The following LRP1B variants were observed in gnomAD, a reference collection of about 807,000 sequenced individuals.
LRP1B encodes the protein low-density lipoprotein receptor-related protein 1B.
LRP1B carries 217 observed loss-of-function variants against 556.6 expected under a neutral mutation model. The ratio of observed to expected loss-of-function variants is 0.39; its 90% CI spans 0.35 to 0.44. The LOEUF is 0.44. Ranked by LOEUF, LRP1B falls within the 20% of genes least tolerant of loss-of-function variation. The pLI, the probability that LRP1B is intolerant of heterozygous loss-of-function variation, is 1.00. For synonymous variants in LRP1B, 2,047 were observed against 1,865.8 expected (o/e 1.10, Z -2.50); for missense variants, 5,053 against 5,620.8 (o/e 0.90, Z 3.23).
intron 2 of LRP1B, among the ~76,000 whole-genome samples, chr2:141,800,102 A>G (rs776682391): frequency 2.0e-5 from 3 of 152,166 alleles, no homozygotes; most frequent in South Asian, 2.1e-4. Flanking sequence ...AGGCCCTGTC[A>G]TATAGTAGTC....
intron 7 of LRP1B, among the ~76,000 whole-genome samples, chr2:141,082,564 C>T (rs1003961506): frequency 2.6e-5 from 4 of 152,168 alleles, no homozygotes; most frequent in African/African-American, 9.7e-5. Context: ...TTATCTTACC[C>T]ATGTAACTCT....
intron 15 of LRP1B, among the ~76,000 whole-genome samples, chr2:141,004,386 CA>C (rs1235149463): frequency 6.6e-6 from 1 of 151,988 alleles, no homozygotes; most frequent in African/African-American, 2.4e-5. Flanking sequence ...CTGTCACAGG[CA>C]AAATAAACGT....
At chr2:140,670,185 T>C (rs1300076909) in intron 41 of LRP1B, among the ~76,000 whole-genome samples, 1 of 152,174 alleles carries the variant, frequency 6.6e-6, no homozygotes, top group Non-Finnish European at 1.5e-5. Context: ...TTTATGTTAA[T>C]GTATCCAAAG....
At chr2:141,064,360 G>A (rs1435980508) in intron 7 of LRP1B, among the ~76,000 whole-genome samples, 2 of 151,822 alleles carry the variant, frequency 1.3e-5, no homozygotes, top group African/African-American at 4.8e-5. Context: ...GATGATGAAG[G>A]TTTCAGAAAA....
rs1313733754 is a variant in LRP1B at position 140,416,617 on chromosome 2, T to A, written c.10414+25887A>T. 5.9e-5 allele frequency among the ~76,000 whole-genome samples: 9 copies of A among 151,998 alleles called. No individual in the cohort carries two copies. In the East Asian group the frequency reaches 9.7e-4, roughly 16 times the overall value. On this transcript the variant is annotated intron_variant, in intron 66 of 90. Transcript: ENST00000389484. The stretch of plus-strand genomic sequence containing the variant: ...GTGGCATTGAGACGTGATCATGCAC[T>A]GCACTCCAGCCTGGGCAAGACAGCC...
intron 35 of LRP1B, among the ~76,000 whole-genome samples, chr2:140,728,247 T>C (rs1687660667): frequency 6.6e-6 from 1 of 152,180 alleles, no homozygotes; most frequent in African/African-American, 2.4e-5. Context: ...TAACTGTTTT[T>C]AGTCTTCAAA....
At chr2:141,952,560 T>A (rs1310709004) in intron 1 of LRP1B, among the ~76,000 whole-genome samples, 2 of 152,068 alleles carry the variant, frequency 1.3e-5, no homozygotes, top group Admixed American at 6.6e-5. Flanking sequence ...GGGAAATCAC[T>A]GGGGGCTAAA....
intron 35 of LRP1B, among the ~76,000 whole-genome samples, chr2:140,768,010 A>G (rs987388683): frequency 1.3e-5 from 2 of 151,926 alleles, no homozygotes; most frequent in Non-Finnish European, 2.9e-5. Flanking sequence ...TCCACCAATA[A>G]TGAGATTTGA....
intron 16 of LRP1B, among the ~76,000 whole-genome samples, chr2:140,990,808 G>C (rs572697819): frequency 6.6e-6 from 1 of 151,958 alleles, no homozygotes; most frequent in African/African-American, 2.4e-5. Context: ...CAATTTCAAC[G>C]CTGTTTTTAA....
intron 57 of LRP1B, among the ~76,000 whole-genome samples, chr2:140,490,639 A>G (rs1688659016): frequency 6.6e-6 from 1 of 152,120 alleles, no homozygotes. Flanking sequence ...CTCTGGACAA[A>G]GATAATGGTT....
chr2:141,079,812 T>G (rs1014814054), intron 7 of LRP1B, among the ~76,000 whole-genome samples: 4 of 152,224 alleles, frequency 2.6e-5, no homozygotes, highest in Non-Finnish European at 5.9e-5. Flanking sequence ...ATTAGGTTGG[T>G]GCAAAAGTAA....
At chr2:141,333,617 A>AT (rs1687740401) in intron 3 of LRP1B, among the ~76,000 whole-genome samples, 1 of 152,206 alleles carries the variant, frequency 6.6e-6, no homozygotes. Context: ...CACAGCAGCT[A>AT]TGTAGGTGGG....
At chr2:141,014,763 C>G (rs542542951) in intron 13 of LRP1B, among the ~76,000 whole-genome samples, 1 of 152,172 alleles carries the variant, frequency 6.6e-6, no homozygotes, top group East Asian at 1.9e-4. Flanking sequence ...CCAACATCTT[C>G]TAAGGAAGCA....
chr2:141,427,835 T>A (rs937250239), intron 3 of LRP1B, among the ~76,000 whole-genome samples: 11 of 152,304 alleles, frequency 7.2e-5, no homozygotes, highest in African/African-American at 2.6e-4. Flanking sequence ...CCCCTCAATA[T>A]AAAGCTATAA....
intron 43 of LRP1B, among the ~76,000 whole-genome samples, chr2:140,566,785 A>G (rs1001942992): frequency 3.3e-5 from 5 of 152,154 alleles, no homozygotes; most frequent in Admixed American, 2.6e-4. Flanking sequence ...CTGGGAAAAC[A>G]TACTGTACCC....
At chr2:140,472,032 T>C (rs1361796652) in intron 60 of LRP1B, among the ~76,000 whole-genome samples, 1 of 152,210 alleles carries the variant, frequency 6.6e-6, no homozygotes, top group Admixed American at 6.5e-5. Context: ...TTAGCAGTCT[T>C]CAGTACTGCT....
At chr2:141,146,641 A>G (rs1275605365) in intron 7 of LRP1B, among the ~76,000 whole-genome samples, 3 of 152,234 alleles carry the variant, frequency 2.0e-5, no homozygotes, top group Admixed American at 2.0e-4. Context: ...ATAAACACAC[A>G]CATATATGGT....
intron 1 of LRP1B, among the ~76,000 whole-genome samples, chr2:142,057,914 G>A (rs929679745): frequency 6.6e-6 from 1 of 152,084 alleles, no homozygotes; most frequent in African/African-American, 2.4e-5. Flanking sequence ...TGCAGTGAAT[G>A]TACCAGTACT....
At position 140,982,368 on chromosome 2, in the gene LRP1B, A is replaced by G. The variant is rs187166619; in HGVS notation, c.2771-92T>C. 4.7e-5 allele frequency: 35 copies of G among 748,714 alleles called. No homozygotes were observed. The East Asian group carries it at 8.8e-4, about 19-fold the overall frequency. The allele number at this position is 748,714 out of a possible 1,614,324, so 46.4% of individuals were successfully genotyped here. A position where few individuals can be genotyped will look rare whatever the true frequency, so the allele number is the denominator to read the frequency against. ...AGCATGCAATATTCCTTTCATACATAAGATAGTATGTTTCTCTATTAAAAT... is the reference window on the plus strand; with the variant it reads ...AGCATGCAATATTCCTTTCATACATGAGATAGTATGTTTCTCTATTAAAAT... On this transcript the variant is annotated intron_variant, in intron 17 of 90. Coordinates refer to ENST00000389484, the MANE Select transcript of LRP1B (RefSeq NM_018557.3).
Sources: allele counts gnomAD v4.1 joint callset (sites outside exome capture counted in the v4.1 genomes callset), GRCh38; gene constraint gnomAD v4.1.1; transcripts MANE v1.5; gene names NCBI Gene and HGNC (gene_info 2026-07-23, HGNC 2026-07-21).